Variants in PEX14 observed in about 807,000 individuals in gnomAD.
PEX14 encodes the protein peroxisomal biogenesis factor 14, also known as peroxisomal membrane protein PEX14.
Under a neutral mutation model 49.5 loss-of-function variants are expected in PEX14, and 15 were observed. That is an observed-to-expected ratio of 0.30 (90% CI 0.20 to 0.47). PEX14 has a LOEUF of 0.47. Ranked by LOEUF, PEX14 falls within the 20% of genes least tolerant of loss-of-function variation. The pLI, the probability that PEX14 is intolerant of heterozygous loss-of-function variation, is 1.00. For missense variants in PEX14, 398 were observed against 494.8 expected (o/e 0.80, Z 1.86); for synonymous variants, 210 against 212.7 (o/e 0.99, Z 0.11).
intron 4 of PEX14, among the ~76,000 whole-genome samples, chr1:10,609,851 C>T (rs911985931): frequency 6.6e-6 from 1 of 151,990 alleles, no homozygotes; most frequent in African/African-American, 2.4e-5. Flanking sequence ...CACCATTGTA[C>T]TCCAGCCTGG....
intron 7 of PEX14, among the ~76,000 whole-genome samples, chr1:10,626,746 G>A (rs1641758371): frequency 6.6e-6 from 1 of 152,258 alleles, no homozygotes; most frequent in Non-Finnish European, 1.5e-5. Flanking sequence ...CAAGCAGGTT[G>A]CCACCAGCAG....
intron 2 of PEX14, among the ~76,000 whole-genome samples, chr1:10,535,420 A>G (rs895475630): frequency 6.6e-6 from 1 of 152,236 alleles, no homozygotes; most frequent in Non-Finnish European, 1.5e-5. Flanking sequence ...GCTTTTAGCC[A>G]TGAAACTCCA....
chr1:10,482,437 CTTT>C (rs954442729), intron 1 of PEX14, among the ~76,000 whole-genome samples: 1 of 130,046 alleles, frequency 7.7e-6, no homozygotes, highest in Non-Finnish European at 1.7e-5. Flanking sequence ...GCCCATCTTA[CTTT>C]TTTTTTTTTT....
rs978492572 is a variant in PEX14 at position 10,628,947 on chromosome 1, G to A, written c.678-584G>A. Among the ~76,000 whole-genome samples the A allele has an allele frequency of 2.0e-5, 3 of 152,202 alleles. No individual in the cohort carries two copies. Among genetic ancestry groups the A allele is most frequent in the Admixed American group, 2.0e-4 (3 of 15,288 alleles). ...CCAGGAACGGAGTACGGAGCAGAAGGGAGAGCTGCCTCTTCTGCGTTGAAA... is the reference window on the plus strand; with the variant it reads ...CCAGGAACGGAGTACGGAGCAGAAGAGAGAGCTGCCTCTTCTGCGTTGAAA... On this transcript the variant is annotated intron_variant, in intron 8 of 8. Transcript: ENST00000356607. This position sits in a 1 kb window ranked among gnomAD's most constrained non-coding sequence, Gnocchi z 4.5.
intron 3 of PEX14, among the ~76,000 whole-genome samples, chr1:10,562,233 C>T (rs1180580992): frequency 6.6e-6 from 1 of 152,098 alleles, no homozygotes; most frequent in Non-Finnish European, 1.5e-5. Flanking sequence ...TTCTTGTCTT[C>T]TTTTCTCCAC....
At chr1:10,508,584 A>G (rs1323301969) in intron 2 of PEX14, among the ~76,000 whole-genome samples, 1 of 152,232 alleles carries the variant, frequency 6.6e-6, no homozygotes, top group East Asian at 1.9e-4. Context: ...TCCCCCCCAG[A>G]AGTGCACCTC....
chr1:10,502,620 G>A lies in PEX14; in HGVS notation c.84+7299G>A, dbSNP rs183530807. Among the ~76,000 whole-genome samples, 4 of 152,004 alleles carry A rather than the reference G, an allele frequency of 2.6e-5. No homozygotes were observed. In the East Asian group the frequency reaches 7.7e-4, roughly 29 times the overall value. On this transcript the variant is annotated intron_variant, in intron 2 of 8. Transcript: ENST00000356607. The stretch of plus-strand genomic sequence containing the variant: ...TTATTCAGCTTTGTTTGTACTTTAG[G>A]TTCCTGGCTTTTATAGTAATGCTTT...
In PEX14 at chr1:10,555,127, C is replaced by G. The variant is rs185168307; in HGVS notation, c.169+18830C>G. Among the ~76,000 whole-genome samples the G allele has an allele frequency of 2.6e-5, 4 of 152,182 alleles. No individual in the cohort carries two copies. In the East Asian group the frequency reaches 7.7e-4, roughly 29 times the overall value. On this transcript the variant is annotated intron_variant, in intron 3 of 8. Transcript: ENST00000356607. ...AAAACCACCTGCAGGACTGACCCTA[C>G]CCCCCAATAACACACCAACCTGCTG...
intron 1 of PEX14, among the ~76,000 whole-genome samples, chr1:10,477,367 G>A (rs1017286840): frequency 2.6e-5 from 4 of 152,178 alleles, no homozygotes; most frequent in African/African-American, 9.7e-5. Context: ...GCAGTGCCTG[G>A]CCAAAACTTG....
At chr1:10,612,930 C>T (rs143260495) in intron 4 of PEX14, among the ~76,000 whole-genome samples, 252 of 152,318 alleles carry the variant, frequency 1.7e-3, no homozygotes, top group African/African-American at 5.9e-3. Flanking sequence ...ATGGGCTGGC[C>T]CCGTTTCTAC....
At chr1:10,610,843 C>G (rs138128746) in intron 4 of PEX14, among the ~76,000 whole-genome samples, 98 of 152,306 alleles carry the variant, frequency 6.4e-4, no homozygotes, top group African/African-American at 2.2e-3. Context: ...ATCTCTGTCA[C>G]ATGTTTTCCT....
chr1:10,590,769 A>G (rs1220510570), intron 3 of PEX14, among the ~76,000 whole-genome samples: 1 of 152,254 alleles, frequency 6.6e-6, no homozygotes, highest in Non-Finnish European at 1.5e-5. Flanking sequence ...TTGACCTATT[A>G]GGACATAGCA....
At chr1:10,591,635 C>CTGTGTGTG (rs61635531) in intron 3 of PEX14, among the ~76,000 whole-genome samples, 2,535 of 139,712 alleles carry the variant, frequency 0.018, 35 homozygotes, top group African/African-American at 0.025. Context: ...GGTATACACA[C>CTGTGTGTG]TGTGTGTGTG....
At chr1:10,486,634 T>A (rs1641373135) in intron 1 of PEX14, among the ~76,000 whole-genome samples, 1 of 151,634 alleles carries the variant, frequency 6.6e-6, no homozygotes, top group Non-Finnish European at 1.5e-5. Context: ...ATGAGCTATG[T>A]CACACCACTG....
intron 5 of PEX14, among the ~76,000 whole-genome samples, chr1:10,619,571 T>C (rs1205185432): frequency 1.3e-5 from 2 of 151,980 alleles, no homozygotes; most frequent in East Asian, 3.9e-4. Flanking sequence ...CACCTCGGCC[T>C]CCCAAAGTGC....
At chr1:10,627,201 C>T (rs575346359) in intron 7 of PEX14, 71 bp from the exon 8 acceptor site, 3 of 1,011,072 alleles carry the variant, frequency 3.0e-6, no homozygotes, top group East Asian at 2.4e-5. Flanking sequence ...CCACCCAGGT[C>T]CTCCTGCAGC....
chr1:10,608,894 C>G (rs1641199912), intron 4 of PEX14, among the ~76,000 whole-genome samples: 1 of 152,268 alleles, frequency 6.6e-6, no homozygotes, highest in South Asian at 2.1e-4. Flanking sequence ...CTGCAAGATC[C>G]TTTGGGCCCA....
In PEX14 at chr1:10,623,499, G is replaced by A. The variant is rs1023034885; in HGVS notation, c.487+378G>A. ...AAGACTCGACTGTGGGGTCAAGAGA[G>A]TCTGTAATTACTGTGGCTCCCGGGA... On this transcript the variant is annotated intron_variant, in intron 6 of 8. Coordinates refer to ENST00000356607, the MANE Select transcript of PEX14 (RefSeq NM_004565.3). The surrounding 1 kb of genome is among the most constrained non-coding windows in gnomAD (Gnocchi z 4.4). 6.6e-6 allele frequency among the ~76,000 whole-genome samples: 1 copy of A among 152,126 alleles called. No individual in the cohort carries two copies. Among genetic ancestry groups the A allele is most frequent in the African/African-American group, 2.4e-5 (1 of 41,418 alleles).
At chr1:10,598,392 C>T (rs992967202) in intron 3 of PEX14, among the ~76,000 whole-genome samples, 9 of 152,240 alleles carry the variant, frequency 5.9e-5, no homozygotes, top group South Asian at 2.1e-4. Flanking sequence ...GGCTCAGACC[C>T]GGTGGAAATA....
Sources: allele counts gnomAD v4.1 joint callset (sites outside exome capture counted in the v4.1 genomes callset), GRCh38; gene constraint gnomAD v4.1.1; non-coding constraint Gnocchi (gnomAD v3.1); transcripts MANE v1.5; gene names NCBI Gene and HGNC (gene_info 2026-07-23, HGNC 2026-07-21).